The following EEF2K variants were observed in gnomAD, a reference collection of about 807,000 sequenced individuals.
EEF2K encodes eukaryotic elongation factor 2 kinase, also known as alternative protein EEF2K.
In EEF2K, 70 loss-of-function variants were observed where a neutral mutation model predicts 93.8. The ratio of observed to expected loss-of-function variants is 0.75; its 90% CI spans 0.62 to 0.91. The LOEUF (loss-of-function observed/expected upper bound fraction) is 0.91. EEF2K is among the 40% of genes least tolerant of loss of function. EEF2K has a pLI of 0.00. For missense variants in EEF2K, 935 were observed against 972.9 expected, an observed-to-expected ratio of 0.96 and a Z score of 0.52; for synonymous variants, 376 against 380.8, an observed-to-expected ratio of 0.99 and a Z score of 0.15.
intron 17 of EEF2K, among the ~76,000 whole-genome samples, chr16:22,283,308 C>CAAAAAAAA (rs10540234): frequency 5.3e-5 from 4 of 75,848 alleles, no homozygotes; most frequent in South Asian, 3.7e-4. Flanking sequence ...GACTCCATCT[C>CAAAAAAAA]AAAAAAAAAA....
At chr16:22,207,067 A>C (rs1223294985) in intron 1 of EEF2K, among the ~76,000 whole-genome samples, 5 of 152,244 alleles carry the variant, frequency 3.3e-5, no homozygotes, top group South Asian at 4.2e-4. Context: ...CTTTCCCCTG[A>C]ACTAGAGGCC....
At chr16:22,239,246 A>G (rs1177997421) in intron 2 of EEF2K, among the ~76,000 whole-genome samples, 1 of 152,176 alleles carries the variant, frequency 6.6e-6, no homozygotes, top group Non-Finnish European at 1.5e-5. Context: ...GGTTGGTGCC[A>G]CGGCATCCAG....
At chr16:22,213,970 C>T (rs2046937548) in intron 1 of EEF2K, among the ~76,000 whole-genome samples, 2 of 152,188 alleles carry the variant, frequency 1.3e-5, no homozygotes, top group Admixed American at 6.5e-5. Flanking sequence ...TTCACAGGTT[C>T]CAGGGATTAG....
intron 2 of EEF2K, among the ~76,000 whole-genome samples, chr16:22,230,946 G>C (rs1399069488): frequency 6.6e-6 from 1 of 150,748 alleles, no homozygotes; most frequent in African/African-American, 2.4e-5. Context: ...CTCTAAAACA[G>C]TGCCTACTAT....
At chr16:22,267,111 G>GC (rs1336253090) in intron 15 of EEF2K, among the ~76,000 whole-genome samples, 1 of 152,166 alleles carries the variant, frequency 6.6e-6, no homozygotes, top group Non-Finnish European at 1.5e-5. Flanking sequence ...ACGTTTCCAG[G>GC]TAATAACGAC....
chr16:22,266,532 C>T lies in EEF2K; in HGVS notation c.1575+8C>T, dbSNP rs1015323674. 5.0e-6 allele frequency: 8 copies of T among 1,613,926 alleles called. No individual in the cohort carries two copies. The highest frequency in any genetic ancestry group is 1.7e-5 in the Admixed American group (1 of 59,982). ...AAGTCCATTTTGGGGAAGGTATCGG[C>T]GATGCCCATTTTGGAGCCCTGTCTG... is the stretch of plus-strand genomic sequence containing the variant. On this transcript the variant is annotated splice_region_variant and intron_variant, in intron 14 of 17. Transcript: ENST00000263026.
At position 22,266,879 on chromosome 16, in the gene EEF2K, G is replaced by A. The variant is rs2047529874; in HGVS notation, c.1764+3G>A. 6.3e-7 allele frequency: 1 copy of A among 1,598,026 alleles called. No homozygotes were observed. The highest frequency in any genetic ancestry group is 1.3e-5 in the African/African-American group (1 of 74,790). The stretch of plus-strand genomic sequence containing the variant: ...TCCTAGCCGATGTCTCTCTGAAGGT[G>A]AGCAGGTGGCGGGGACCCAGCTGCA... On this transcript the variant is annotated splice_donor_region_variant and intron_variant, in intron 15 of 17. Transcript: ENST00000263026.
At chr16:22,254,439 G>A (rs1190812143) in intron 6 of EEF2K, among the ~76,000 whole-genome samples, 2 of 152,136 alleles carry the variant, frequency 1.3e-5, no homozygotes, top group East Asian at 1.9e-4. Flanking sequence ...TTGTCTGCAT[G>A]TCTGGTGACC....
intron 1 of EEF2K, among the ~76,000 whole-genome samples, chr16:22,218,117 G>A (rs1368632422): frequency 2.0e-5 from 3 of 152,164 alleles, no homozygotes; most frequent in Non-Finnish European, 4.4e-5. Flanking sequence ...GTAATCACAT[G>A]ACCACCTCTA....
chr16:22,235,710 C>A (rs2047161458), intron 2 of EEF2K, among the ~76,000 whole-genome samples: 1 of 152,116 alleles, frequency 6.6e-6, no homozygotes, highest in Non-Finnish European at 1.5e-5. Context: ...GTTGGTCAGG[C>A]TGGTCTCGAA....
intron 14 of EEF2K, 73 bp downstream of exon 14, chr16:22,266,597 T>C: frequency 6.3e-7 from 1 of 1,596,572 alleles, no homozygotes; most frequent in Non-Finnish European, 8.5e-7. Flanking sequence ...TCTCCTCCGC[T>C]AATCACTTCC....
In EEF2K at chr16:22,251,237, G is replaced by A. The variant is rs191986675; in HGVS notation, c.533G>A (p.Arg178Gln). 6.4e-5 allele frequency: 103 copies of A among 1,614,086 alleles called. 1 individual carries two copies. In the East Asian group the frequency reaches 1.9e-3, roughly 30 times the overall value. The change falls in exon 6 of 18, where the codon CGG becomes CAG. Residue 178 changes from arginine to glutamine, a missense_variant. Coordinates refer to ENST00000263026, the MANE Select transcript of EEF2K (RefSeq NM_013302.5). ...VAKRYIEPVD[R>Q]DVYFEDVRLQ... ...AAGCGCTACATCGAGCCCGTAGACC[G>A]GGATGTGTACTTTGAGGACGTGCGT...
chr16:22,209,773 G>A (rs2046897394), intron 1 of EEF2K, among the ~76,000 whole-genome samples: 3 of 152,172 alleles, frequency 2.0e-5, no homozygotes, highest in South Asian at 2.1e-4. Flanking sequence ...CAAGGCTGAT[G>A]AGCACAAGCA....
intron 2 of EEF2K, among the ~76,000 whole-genome samples, chr16:22,238,104 A>T (rs898139696): frequency 1.3e-5 from 2 of 152,142 alleles, no homozygotes; most frequent in Non-Finnish European, 2.9e-5. Flanking sequence ...AGCCTGACCA[A>T]TATGGTGAAA....
Position 22,266,867 on chromosome 16 carries a change from C to A in EEF2K, c.1755C>A (p.Val585=). ...SQLPHHILAD[V]SLKETEENKT... ...TGCCTCATCACATCCTAGCCGATGT[C>A]TCTCTGAAGGTGAGCAGGTGGCGGG... Residue 585 remains valine, a synonymous_variant, in exon 15 of 18, where the codon GTC becomes GTA. Coordinates refer to ENST00000263026, the MANE Select transcript of EEF2K (RefSeq NM_013302.5). The A allele has an allele frequency of 6.2e-7, 1 of 1,609,540 alleles. No homozygotes were observed. The highest frequency in any genetic ancestry group is 8.5e-7 in the Non-Finnish European group (1 of 1,177,088).
intron 1 of EEF2K, among the ~76,000 whole-genome samples, chr16:22,210,686 G>A (rs1017368704): frequency 2.0e-5 from 3 of 152,152 alleles, no homozygotes; most frequent in Non-Finnish European, 2.9e-5. Context: ...AGCTAAGAGC[G>A]ACTAACTCCT....
chr16:22,245,712 A>G (rs189151786), intron 3 of EEF2K, among the ~76,000 whole-genome samples: 138 of 152,242 alleles, frequency 9.1e-4, no homozygotes, highest in African/African-American at 3.2e-3. Context: ...TACTCTGGGA[A>G]AGGAGAGATG....
chr16:22,283,645 T>G (rs2047720496), intron 17 of EEF2K, among the ~76,000 whole-genome samples: 1 of 152,196 alleles, frequency 6.6e-6, no homozygotes, highest in African/African-American at 2.4e-5. Flanking sequence ...TGGCCATGAC[T>G]AAATCTGGAC....
chr16:22,253,878 C>A (rs1160025210), intron 6 of EEF2K, among the ~76,000 whole-genome samples: 1 of 152,012 alleles, frequency 6.6e-6, no homozygotes, highest in Admixed American at 6.6e-5. Flanking sequence ...GTGGGCGGAT[C>A]ACCTGAGGTC....
Sources: gnomAD v4.1 joint callset for allele counts (sites outside exome capture counted in the v4.1 genomes callset) on GRCh38, gnomAD v4.1.1 for gene constraint, MANE v1.5 for transcripts, NCBI Gene and HGNC (gene_info 2026-07-23, HGNC 2026-07-21) for gene names.